Variants in SYNE1 observed in about 807,000 individuals in gnomAD.
SYNE1 encodes spectrin repeat containing nuclear envelope protein 1.
In SYNE1, 616 loss-of-function variants were observed where a neutral mutation model predicts 1,111.0. That is an observed-to-expected ratio of 0.55 (90% CI 0.52 to 0.59). SYNE1 has a LOEUF of 0.59. Among genes scored for constraint, SYNE1 ranks in the 20% least tolerant of loss-of-function variants. The pLI, the probability that SYNE1 is intolerant of heterozygous loss-of-function variation, is 0.00. For missense variants in SYNE1, 10,006 were observed against 10,417.0 expected, an observed-to-expected ratio of 0.96 and a Z score of 1.72; for synonymous variants, 3,855 against 3,825.8, an observed-to-expected ratio of 1.01 and a Z score of -0.28.
intron 131 of SYNE1, among the ~76,000 whole-genome samples, chr6:152,156,624 G>C (rs554928791): frequency 6.6e-6 from 1 of 152,274 alleles, no homozygotes; most frequent in African/African-American, 2.4e-5. Flanking sequence ...AAATGCTATA[G>C]AAATTGTTCT....
At chr6:152,231,620 T>C (rs1264175685) in intron 113 of SYNE1, 53 bp from the exon 114 acceptor site, 2 of 1,580,184 alleles carry the variant, frequency 1.3e-6, no homozygotes, top group Non-Finnish European at 1.7e-6. Context: ...TCATTAGTTT[T>C]CCAGGAGTTG....
chr6:152,211,353 G>A (rs2077489160), intron 124 of SYNE1, 141 bp downstream of exon 124: 2 of 696,182 alleles, frequency 2.9e-6, no homozygotes, highest in Non-Finnish European at 5.0e-6. Flanking sequence ...ATTGAGACAA[G>A]TTTCTCCTCC....
At chr6:152,490,620 C>T (rs2098965148) in intron 11 of SYNE1, among the ~76,000 whole-genome samples, 2 of 152,190 alleles carry the variant, frequency 1.3e-5, no homozygotes, top group Admixed American at 1.3e-4. Flanking sequence ...CTCCCAAATC[C>T]TATAAAACTG....
In SYNE1 at chr6:152,284,177, A is replaced by G. The variant is rs2094190303; in HGVS notation, c.18013-5T>C. 6.2e-7 allele frequency: 1 copy of G among 1,614,078 alleles called. No homozygotes were observed. ...GAGAATCTCATCCATCAATGCCTGG[A>G]GGAAAGACTGTGGAATCACACTCAT... On this transcript the variant is annotated splice_polypyrimidine_tract_variant and splice_region_variant and intron_variant, in intron 95 of 145. Transcript: ENST00000367255.
chr6:152,371,170 C>G (rs540798038), intron 59 of SYNE1, among the ~76,000 whole-genome samples: 3 of 152,186 alleles, frequency 2.0e-5, no homozygotes, highest in Admixed American at 6.5e-5. Context: ...TGTGTCCCCC[C>G]CCAAATCTCA....
intron 72 of SYNE1, 94 bp from the exon 73 acceptor site, chr6:152,347,329 T>C (rs909889120): frequency 5.5e-6 from 8 of 1,442,888 alleles, no homozygotes; most frequent in South Asian, 1.2e-5. Context: ...CTGTTTAATA[T>C]TGTTTTTGAA....
intron 21 of SYNE1, among the ~76,000 whole-genome samples, chr6:152,461,337 T>A (rs2098732984): frequency 1.3e-5 from 2 of 152,192 alleles, no homozygotes; most frequent in Admixed American, 1.3e-4. Flanking sequence ...TTATCACATG[T>A]AACCGTTCCC....
At chr6:152,441,372 T>C in intron 31 of SYNE1, 102 bp from the exon 32 acceptor site, 1 of 1,265,504 alleles carries the variant, frequency 7.9e-7, no homozygotes, top group Non-Finnish European at 1.1e-6. Flanking sequence ...GAATTCTCAT[T>C]TCAAATTTCA....
chr6:152,562,560 G>A (rs898842689), intron 3 of SYNE1, among the ~76,000 whole-genome samples: 5 of 152,158 alleles, frequency 3.3e-5, no homozygotes, highest in Admixed American at 6.6e-5. Flanking sequence ...ATATCCAAAG[G>A]AAATGAAATC....
intron 47 of SYNE1, among the ~76,000 whole-genome samples, chr6:152,400,195 C>A (rs941413188): frequency 4.0e-5 from 6 of 151,360 alleles, no homozygotes. Context: ...GAGTCACGTG[C>A]TCACCAAAAG....
chr6:152,233,777 G>A lies in SYNE1; in HGVS notation c.20712+4C>T. On this transcript the variant is annotated splice_donor_region_variant and intron_variant, in intron 112 of 145. Transcript: ENST00000367255. ...ATTTCCCACGAAAGCAATCCTTTCT[G>A]TACCTGGTGGAGCTTCTCCTGGACG... 2.5e-6 allele frequency: 4 copies of A among 1,614,174 alleles called. No homozygotes were observed. Among genetic ancestry groups the A allele is most frequent in the Non-Finnish European group, 2.5e-6 (3 of 1,180,032 alleles).
chr6:152,307,523 T>C (rs1470211096), intron 91 of SYNE1, among the ~76,000 whole-genome samples: 1 of 152,176 alleles, frequency 6.6e-6, no homozygotes, highest in Non-Finnish European at 1.5e-5. Context: ...CACAGTGCTA[T>C]GAACCAGCCC....
intron 97 of SYNE1, among the ~76,000 whole-genome samples, chr6:152,281,325 A>G (rs1212573046): frequency 1.3e-5 from 2 of 152,222 alleles, no homozygotes; most frequent in Non-Finnish European, 2.9e-5. Flanking sequence ...TGGAAAACAC[A>G]TTCTCTGCTC....
At chr6:152,572,421 G>A (rs1042412920) in intron 3 of SYNE1, among the ~76,000 whole-genome samples, 3 of 152,220 alleles carry the variant, frequency 2.0e-5, no homozygotes, top group African/African-American at 7.2e-5. Flanking sequence ...TTGTAAAAGT[G>A]CTCATTTCCT....
intron 115 of SYNE1, among the ~76,000 whole-genome samples, chr6:152,229,501 TG>T (rs1287915042): frequency 6.6e-6 from 1 of 152,162 alleles, no homozygotes; most frequent in East Asian, 1.9e-4. Context: ...GGAAGTAACA[TG>T]GATACTTCCT....
chr6:152,231,312 G>T (rs1233612740), intron 114 of SYNE1, 79 bp downstream of exon 114: 3 of 1,517,178 alleles, frequency 2.0e-6, no homozygotes, highest in African/African-American at 1.4e-5. Context: ...CGCTACTTGT[G>T]AACCCAGTCT....
intron 16 of SYNE1, among the ~76,000 whole-genome samples, chr6:152,469,233 TAA>T (rs2098790519): frequency 1.3e-5 from 2 of 152,210 alleles, no homozygotes; most frequent in African/African-American, 2.4e-5. Flanking sequence ...TCTAAAAGGA[TAA>T]GAGAGGCTCT....
chr6:152,270,906 GTT>G (rs2093149515), intron 98 of SYNE1, among the ~76,000 whole-genome samples: 2 of 152,226 alleles, frequency 1.3e-5, no homozygotes, highest in Non-Finnish European at 2.9e-5. Flanking sequence ...CCAGGGAACA[GTT>G]GGCACAAAGA....
chr6:152,481,299 C>A, intron 14 of SYNE1: 1 of 256,564 alleles, frequency 3.9e-6, no homozygotes, highest in South Asian at 4.5e-5. Flanking sequence ...TCACCTGTTG[C>A]CCTGGAGCTG....
Sources: allele counts gnomAD v4.1 joint callset (sites outside exome capture counted in the v4.1 genomes callset), GRCh38; gene constraint gnomAD v4.1.1; transcripts MANE v1.5; gene names NCBI Gene and HGNC (gene_info 2026-07-23, HGNC 2026-07-21).